The following CTNNA3 variants were observed in gnomAD, a reference collection of about 807,000 sequenced individuals.
CTNNA3 encodes the protein catenin alpha-3.
A neutral mutation model predicts 95.7 loss-of-function variants in CTNNA3; 76 were observed. The observed-to-expected ratio is 0.79, with a 90% CI of 0.66 to 0.96. The LOEUF (loss-of-function observed/expected upper bound fraction) is 0.96. CTNNA3 is among the 40% of genes least tolerant of loss of function. The probability of loss-of-function intolerance (pLI) is 0.00; values close to 1 mark genes in which losing one functional copy is unlikely to be tolerated. For missense variants in CTNNA3, 1,191 were observed against 1,089.8 expected (o/e 1.09, Z -1.31); for synonymous variants, 431 against 374.4 (o/e 1.15, Z -1.74).
At chr10:67,336,146 C>T (rs957184297) in intron 5 of CTNNA3, among the ~76,000 whole-genome samples, 1 of 152,226 alleles carries the variant, frequency 6.6e-6, no homozygotes, top group Non-Finnish European at 1.5e-5. Flanking sequence ...CTGGCTGCTC[C>T]AATAACCAGT....
intron 7 of CTNNA3, among the ~76,000 whole-genome samples, chr10:67,138,791 T>C (rs539577912): frequency 6.6e-6 from 1 of 152,330 alleles, no homozygotes; most frequent in African/African-American, 2.4e-5. Context: ...ATGTATATCT[T>C]AGTGTCCACC....
At chr10:66,440,202 T>G (rs1340628609) in intron 11 of CTNNA3, among the ~76,000 whole-genome samples, 4 of 152,326 alleles carry the variant, frequency 2.6e-5, no homozygotes, top group Admixed American at 2.6e-4. Flanking sequence ...ATGGGCTCAA[T>G]GTGACTGTCA....
At chr10:67,100,146 G>A (rs1339311311) in intron 7 of CTNNA3, among the ~76,000 whole-genome samples, 1 of 151,534 alleles carries the variant, frequency 6.6e-6, no homozygotes, top group Non-Finnish European at 1.5e-5. Context: ...AAATGTTAAG[G>A]TTCCAAGGAG....
intron 13 of CTNNA3, among the ~76,000 whole-genome samples, chr10:66,252,210 T>G (rs1206147225): frequency 6.6e-6 from 1 of 152,202 alleles, no homozygotes; most frequent in Admixed American, 6.5e-5. Context: ...GCCTTTTAGC[T>G]TGACAACGTA....
At chr10:67,437,599 C>T (rs1846346423) in intron 5 of CTNNA3, among the ~76,000 whole-genome samples, 1 of 151,870 alleles carries the variant, frequency 6.6e-6, no homozygotes, top group African/African-American at 2.4e-5. Context: ...ATGTAACTGG[C>T]CATTTGAGTT....
chr10:67,389,405 A>G (rs1288348740), intron 5 of CTNNA3, among the ~76,000 whole-genome samples: 19 of 151,234 alleles, frequency 1.3e-4, no homozygotes, highest in East Asian at 2.0e-4. Flanking sequence ...ACCCAGATTC[A>G]TAAAGCAAGT....
chr10:66,618,539 C>T (rs150429388), intron 10 of CTNNA3, among the ~76,000 whole-genome samples: 5,344 of 152,232 alleles, frequency 0.035, 123 homozygotes, highest in African/African-American at 0.064. Flanking sequence ...CCCTTCCTTA[C>T]ACCTTCTACA....
chr10:66,704,618 G>A (rs534909980), intron 9 of CTNNA3, among the ~76,000 whole-genome samples: 1 of 152,026 alleles, frequency 6.6e-6, no homozygotes, highest in Non-Finnish European at 1.5e-5. Context: ...ATAGCTGAAG[G>A]GGTCTGGGAG....
intron 7 of CTNNA3, among the ~76,000 whole-genome samples, chr10:67,131,162 A>G (rs1589773334): frequency 6.6e-6 from 1 of 151,970 alleles, no homozygotes; most frequent in African/African-American, 2.4e-5. Context: ...TCTCCTCGTT[A>G]TGCTCTTTCC....
chr10:67,275,080 A>G (rs1461335985), intron 5 of CTNNA3, among the ~76,000 whole-genome samples: 2 of 152,206 alleles, frequency 1.3e-5, no homozygotes, highest in Non-Finnish European at 2.9e-5. Flanking sequence ...ATTAGAAGTC[A>G]GTAAAAATGT....
intron 9 of CTNNA3, among the ~76,000 whole-genome samples, chr10:66,693,161 G>C (rs1033099971): frequency 1.3e-5 from 2 of 152,112 alleles, no homozygotes; most frequent in Non-Finnish European, 2.9e-5. Flanking sequence ...AAAAGACACA[G>C]ACTGGCAAAC....
chr10:67,372,056 G>A (rs766377103), intron 5 of CTNNA3, among the ~76,000 whole-genome samples: 58 of 151,840 alleles, frequency 3.8e-4, no homozygotes, highest in Non-Finnish European at 6.8e-4. Context: ...CATATCTTTC[G>A]CCCACTTGCT....
intron 7 of CTNNA3, among the ~76,000 whole-genome samples, chr10:66,785,083 TTTTG>T (rs1186279559): frequency 6.6e-6 from 1 of 152,170 alleles, no homozygotes; most frequent in East Asian, 1.9e-4. Context: ...CACCTTGTTT[TTTTG>T]TTTGTTTGTT....
intron 7 of CTNNA3, among the ~76,000 whole-genome samples, chr10:66,823,982 G>T (rs1364504367): frequency 6.7e-6 from 1 of 150,278 alleles, no homozygotes; most frequent in Non-Finnish European, 1.5e-5. Context: ...GAAAAGAAAG[G>T]AAAAAATGTG....
chr10:67,141,651 C>T (rs1354413609), intron 7 of CTNNA3, among the ~76,000 whole-genome samples: 4 of 152,062 alleles, frequency 2.6e-5, no homozygotes, highest in East Asian at 1.9e-4. Context: ...ATCAACTTGG[C>T]GTCTAAGACT....
intron 2 of CTNNA3, among the ~76,000 whole-genome samples, chr10:67,614,425 G>C (rs549788973): frequency 7.1e-4 from 108 of 152,268 alleles, no homozygotes; most frequent in African/African-American, 2.5e-3. Context: ...TGGGAGCCTT[G>C]AGCTTGTTTT....
Position 65,918,644 on chromosome 10 carries a change from A to G in CTNNA3, c.*1686T>C, listed in dbSNP as rs2077035860. The G allele has an allele frequency of 6.6e-6, 1 of 152,200 alleles. No homozygotes were observed. The highest frequency in any genetic ancestry group is 2.4e-5 in the African/African-American group (1 of 41,454). 9.4% of individuals were successfully genotyped at this position (152,200 alleles called of 1,614,324 possible). On this transcript the variant is annotated 3_prime_UTR_variant, in exon 18 of 18. Coordinates refer to ENST00000433211, the MANE Select transcript of CTNNA3 (RefSeq NM_013266.4). ...GTTATTGTAGGCCAGTCTATGGTGC[A>G]AAACAGGGAGGAGTTTATTGCCTTC...
intron 10 of CTNNA3, among the ~76,000 whole-genome samples, chr10:66,584,865 C>T (rs1026915804): frequency 6.6e-6 from 1 of 152,022 alleles, no homozygotes; most frequent in Non-Finnish European, 1.5e-5. Flanking sequence ...TAGCACTTCT[C>T]ATAGAGCTGG....
intron 11 of CTNNA3, among the ~76,000 whole-genome samples, chr10:66,413,707 A>G (rs1006432367): frequency 2.7e-4 from 41 of 152,338 alleles, no homozygotes; most frequent in Middle Eastern, 3.4e-3. Context: ...TAGAAGATTA[A>G]ACAGCCATGT....
Sources: allele counts gnomAD v4.1 joint callset (sites outside exome capture counted in the v4.1 genomes callset), GRCh38; gene constraint gnomAD v4.1.1; transcripts MANE v1.5; gene names NCBI Gene and HGNC (gene_info 2026-07-23, HGNC 2026-07-21).